Variants in ZFYVE19 observed in about 807,000 individuals in gnomAD.
The protein encoded by ZFYVE19 is zinc finger FYVE-type containing 19.
ZFYVE19 carries 49 observed loss-of-function variants against 62.8 expected under a neutral mutation model. The observed-to-expected ratio is 0.78, with a 90% CI of 0.62 to 0.99. The LOEUF is 0.99. Ranked by LOEUF, ZFYVE19 falls within the 50% of genes least tolerant of loss-of-function variation. The pLI, the probability that ZFYVE19 is intolerant of heterozygous loss-of-function variation, is 0.00. For missense variants in ZFYVE19, 630 were observed against 601.9 expected (o/e 1.05, Z -0.49); for synonymous variants, 242 against 234.3 (o/e 1.03, Z -0.30).
rs1257167151 is a variant in ZFYVE19, at chr15:40,814,417, G to A, written c.*191G>A. On this transcript the variant is annotated 3_prime_UTR_variant, in exon 11 of 11. Transcript: ENST00000355341. ...GAGAATGACTGGGAGGGAAGAAGTC[G>A]GGGCCCTCCTATTAGAAGCCCAGAC... 4.4e-6 allele frequency: 3 copies of A among 681,344 alleles called. No individual in the cohort carries two copies. Among genetic ancestry groups the A allele is most frequent in the Non-Finnish European group, 7.3e-6 (3 of 410,378 alleles). The allele number at this position is 681,344 out of a possible 1,614,324, so 42.2% of individuals were successfully genotyped here. A position where few individuals can be genotyped will look rare whatever the true frequency, so the allele number is the denominator to read the frequency against.
In ZFYVE19 at chr15:40,810,177, G is replaced by T; in HGVS notation, c.678G>T (p.Ala226=). 7 of 1,614,180 alleles carry T rather than the reference G, an allele frequency of 4.3e-6. No individual in the cohort carries two copies. The highest frequency in any genetic ancestry group is 5.9e-6 in the Non-Finnish European group (7 of 1,180,034). Reference sequence around the variant, plus strand: ...AGGAAATGGAGGCACGACTTGCAGCGTTGCAGGGCAGAGTTCTACCTTCTC... The same window carrying T: ...AGGAAATGGAGGCACGACTTGCAGCTTTGCAGGGCAGAGTTCTACCTTCTC... ...STQEMEARLA[A]LQGRVLPSQT... The change falls in exon 5 of 11, where the codon GCG becomes GCT. Residue 226 remains alanine (A), a synonymous_variant. Transcript: ENST00000355341.
In ZFYVE19 at chr15:40,809,206, A is replaced by T; in HGVS notation, c.367A>T (p.Lys123Ter). Residue 123 changes from lysine to a stop codon, truncating the protein, a stop_gained, in exon 2 of 11, where the codon AAA becomes TAA. Transcript: ENST00000355341. LOFTEE classifies it high-confidence loss of function. Reference protein sequence around the residue: ...AVPRTGNTQQKVCKQCHEVLT... With the variant: ...AVPRTGNTQQ ...GCCTCGGACTGGGAACACCCAACAG[A>T]AAGTCTGCAAGCAATGCCATGAGGT... 1 of 1,614,242 alleles carries T rather than the reference A, an allele frequency of 6.2e-7. No individual in the cohort carries two copies. The highest frequency in any genetic ancestry group is 2.2e-5 in the East Asian group (1 of 44,884).
In ZFYVE19 at chr15:40,807,309, G is replaced by C; in HGVS notation, c.-281G>C. 6.2e-7 allele frequency: 1 copy of C among 1,613,866 alleles called. No homozygotes were observed. Among genetic ancestry groups the C allele is most frequent in the Non-Finnish European group, 8.5e-7 (1 of 1,179,910 alleles). ...AGCGGATGCCAGCAGTGGCCGAGGCGCTAGGACAGGAAGGACCGCCAGACC... is the reference window on the plus strand; with the variant it reads ...AGCGGATGCCAGCAGTGGCCGAGGCCCTAGGACAGGAAGGACCGCCAGACC... On this transcript the variant is annotated 5_prime_UTR_variant, in exon 1 of 11. Coordinates refer to ENST00000355341, the MANE Select transcript of ZFYVE19 (RefSeq NM_001077268.2).
In ZFYVE19 at chr15:40,812,791, A is replaced by G; in HGVS notation, c.919A>G (p.Arg307Gly). The G allele has an allele frequency of 6.2e-7, 1 of 1,613,606 alleles. No homozygotes were observed. The highest frequency in any genetic ancestry group is 1.1e-5 in the South Asian group (1 of 91,082). The part of the protein sequence containing the change: ...ANWSLEEEKS[R>G]LLAEAALELR... Reference sequence around the variant, plus strand: ...CTGGTCCTTGGAGGAGGAGAAGAGCAGACTGCTGGCTGAGGCAGCACTTGA... The same window carrying G: ...CTGGTCCTTGGAGGAGGAGAAGAGCGGACTGCTGGCTGAGGCAGCACTTGA... The change falls in exon 7 of 11, where the codon AGA becomes GGA. Residue 307 changes from arginine (R) to glycine (G), a missense_variant. Coordinates refer to ENST00000355341, the MANE Select transcript of ZFYVE19 (RefSeq NM_001077268.2).
Position 40,808,251 on chromosome 15 carries a change from G to A in ZFYVE19, c.279+383G>A, listed in dbSNP as rs1360875164. On this transcript the variant is annotated intron_variant, in intron 1 of 10. Coordinates refer to ENST00000355341, the MANE Select transcript of ZFYVE19 (RefSeq NM_001077268.2). Reference sequence around the variant, plus strand: ...TCTGCTCTGAAATCTTCCCCATCCCGCAGCCTGCCCTTCTCCAGGTCGCTG... The same window carrying A: ...TCTGCTCTGAAATCTTCCCCATCCCACAGCCTGCCCTTCTCCAGGTCGCTG... 1.9e-6 allele frequency: 3 copies of A among 1,595,626 alleles called. No homozygotes were observed. The South Asian group carries it at 3.3e-5, about 18-fold the overall frequency.
At chr15:40,809,577 C>T (rs1474684013) in intron 3 of ZFYVE19, 119 bp downstream of exon 3, 9 of 1,297,090 alleles carry the variant, frequency 6.9e-6, no homozygotes, top group Middle Eastern at 1.9e-4. Context: ...ATTCTCTCCT[C>T]TCTGGCTCCT....
rs1385674583 is a variant in ZFYVE19 at position 40,814,136 on chromosome 15, T to C, written c.1338-12T>C. The C allele has an allele frequency of 6.2e-7, 1 of 1,614,092 alleles. No individual in the cohort carries two copies. Among genetic ancestry groups the C allele is most frequent in the African/African-American group, 1.3e-5 (1 of 74,936 alleles). ...TGCCTGGATCCCTGACTTGTATCCC[T>C]TTGTTCCACAGAGAGGGCCATGATG... On this transcript the variant is annotated splice_polypyrimidine_tract_variant and intron_variant, in intron 10 of 10. Transcript: ENST00000355341.
intron 3 of ZFYVE19, 24 bp downstream of exon 3, chr15:40,809,482 A>C (rs1191888671): frequency 1.2e-6 from 2 of 1,613,504 alleles, no homozygotes; most frequent in Non-Finnish European, 1.7e-6. Context: ...AGAAAAAGAC[A>C]AAGAGCATTG....
rs373968674 is a variant in ZFYVE19, at chr15:40,807,404, G to A, written c.-186G>A. 1.9e-6 allele frequency: 3 copies of A among 1,614,142 alleles called. No homozygotes were observed. The highest frequency in any genetic ancestry group is 1.7e-6 in the Non-Finnish European group (2 of 1,180,052). ...GCTGCCTTCTCCTCAATGCCTAGCAGCGCGTACAGGTCCATCTGTAAGAGC... is the reference window on the plus strand; with the variant it reads ...GCTGCCTTCTCCTCAATGCCTAGCAACGCGTACAGGTCCATCTGTAAGAGC... On this transcript the variant is annotated 5_prime_UTR_variant, in exon 1 of 11. Coordinates refer to ENST00000355341, the MANE Select transcript of ZFYVE19 (RefSeq NM_001077268.2).
rs777695175 is a variant in ZFYVE19, at chr15:40,809,251, G to C, written c.401+11G>C. 8.7e-6 allele frequency: 14 copies of C among 1,613,924 alleles called. No individual in the cohort carries two copies. The South Asian group carries it at 1.5e-4, about 18-fold the overall frequency. On this transcript the variant is annotated intron_variant, in intron 2 of 10. Transcript: ENST00000355341. The stretch of plus-strand genomic sequence containing the variant: ...TGAGGTCCTGACCAGGTAAGAGGCA[G>C]GCATGGGTGAAAGTTCAGCCAAGTA...
intron 6 of ZFYVE19, among the ~76,000 whole-genome samples, chr15:40,811,858 C>G (rs886250150): frequency 2.6e-5 from 4 of 152,226 alleles, no homozygotes; most frequent in African/African-American, 9.6e-5. Flanking sequence ...ACCTCTTGCT[C>G]TGAAACACTA....
rs774240563 is a variant in ZFYVE19, at chr15:40,813,784, G to A, written c.1182G>A (p.Trp394Ter). 6 of 1,614,068 alleles carry A rather than the reference G, an allele frequency of 3.7e-6. 1 individual carries two copies. In the South Asian group the frequency reaches 6.6e-5, roughly 18 times the overall value. The change falls in exon 9 of 11, where the codon TGG becomes TGA. Residue 394 changes from tryptophan (W) to a stop codon, truncating the protein, a stop_gained. Transcript: ENST00000355341. LOFTEE classifies it high-confidence loss of function. ...CTGCAGAGCAGGCTTCTCGACCCTG[G>A]ACGCAACCCCGCGGGGCAGAGCCTG... is the stretch of plus-strand genomic sequence containing the variant. Reference protein sequence around the residue: ...NIPAEQASRPWTQPRGAEPEA... With the variant: ...NIPAEQASRP
intron 1 of ZFYVE19, 126 bp downstream of exon 1, chr15:40,807,994 T>A (rs1349259219): frequency 8.1e-7 from 1 of 1,240,992 alleles, no homozygotes; most frequent in Non-Finnish European, 1.1e-6. Flanking sequence ...AAGTCATTGA[T>A]CCTCAGTTTC....
In ZFYVE19 at chr15:40,807,646, G is replaced by A. The variant is rs758221036; in HGVS notation, c.57G>A (p.Arg19=). 8 of 1,612,886 alleles carry A rather than the reference G, an allele frequency of 5.0e-6. No homozygotes were observed. Among genetic ancestry groups the A allele is most frequent in the South Asian group, 1.1e-5 (1 of 90,998 alleles). ...CGCCGCTGCCGTACGCTGGCTGCAG[G>A]AGAGCGTCCGGATTCCCTGCTCTAG... ...PLPPLPYAGC[R]RASGFPALGR... Residue 19 remains arginine (R), a synonymous_variant, in exon 1 of 11, where the codon AGG becomes AGA. Transcript: ENST00000355341.
At position 40,807,716 on chromosome 15, in the gene ZFYVE19, C is replaced by CAGGGA. The variant is rs888199421; in HGVS notation, c.137_141dup (p.Arg48LysfsTer63). Reference sequence around the variant, plus strand: ...AGTGGGCGTGTGGGGCGGGGCAGGGCAGGGAAGGGAAGGGCGGAGCTGGGG... The same window carrying CAGGGA: ...AGTGGGCGTGTGGGGCGGGGCAGGGCAGGGAAGGGAAGGGAAGGGCGGAGCTGGGG... On this transcript the variant is annotated frameshift_variant, in exon 1 of 11. Coordinates refer to ENST00000355341, the MANE Select transcript of ZFYVE19 (RefSeq NM_001077268.2). LOFTEE classifies it high-confidence loss of function. 21 of 1,601,044 alleles carry CAGGGA rather than the reference C, an allele frequency of 1.3e-5. No homozygotes were observed. The Admixed American group carries it at 1.9e-4, about 14-fold the overall frequency.
At chr15:40,808,374 T>C (rs1336896039) in intron 1 of ZFYVE19, 3 of 1,596,698 alleles carry the variant, frequency 1.9e-6, no homozygotes, top group Non-Finnish European at 2.5e-6. Context: ...TCTGGTAAAC[T>C]GCAGGTTCCC....
intron 6 of ZFYVE19, 126 bp downstream of exon 6, chr15:40,810,883 A>C (rs1423306654): frequency 7.9e-7 from 1 of 1,265,890 alleles, no homozygotes. Flanking sequence ...AAGAGTTACC[A>C]TTCATTGAGT....
chr15:40,810,639 G>T lies in ZFYVE19; in HGVS notation c.718-10G>T, dbSNP rs375947170. The T allele has an allele frequency of 1.3e-4, 206 of 1,558,152 alleles. 1 individual carries two copies. Among genetic ancestry groups the T allele is most frequent in the Middle Eastern group, 1.7e-4 (1 of 5,992 alleles). ...CCCTGCTCTCCACTGAGGTTTCCTC[G>T]TCTGTGCAGGCACATCACACACCGG... On this transcript the variant is annotated splice_polypyrimidine_tract_variant and intron_variant, in intron 5 of 10. Transcript: ENST00000355341.
Position 40,814,149 on chromosome 15 carries a change from G to A in ZFYVE19, c.1339G>A (p.Glu447Lys). 1 of 1,614,228 alleles carries A rather than the reference G, an allele frequency of 6.2e-7. No individual in the cohort carries two copies. Among genetic ancestry groups the A allele is most frequent in the Non-Finnish European group, 8.5e-7 (1 of 1,180,040 alleles). The change falls in exon 11 of 11, where the codon GAG (glutamate) becomes AAG (lysine). Residue 447 changes from glutamate (E) to lysine (K), a missense_variant and splice_region_variant. Coordinates refer to ENST00000355341, the MANE Select transcript of ZFYVE19 (RefSeq NM_001077268.2). ...GDLFCARCFR[E>K]GHDAFELKEH... is the part of the protein sequence containing the mutation. ...GACTTGTATCCCTTTGTTCCACAGA[G>A]AGGGCCATGATGCCTTTGAGCTTAA...
Sources: allele counts gnomAD v4.1 joint callset (sites outside exome capture counted in the v4.1 genomes callset), GRCh38; gene constraint gnomAD v4.1.1; transcripts MANE v1.5; gene names NCBI Gene and HGNC (gene_info 2026-07-23, HGNC 2026-07-21).